The following FHOD3 variants were observed in gnomAD, a reference collection of about 807,000 sequenced individuals.
FHOD3 encodes the protein formin homology 2 domain containing 3.
Under a neutral mutation model 173.0 loss-of-function variants are expected in FHOD3, and 90 were observed. That is an observed-to-expected ratio of 0.52 (90% CI 0.44 to 0.62). The LOEUF is 0.62. Among genes scored for constraint, FHOD3 ranks in the 20% least tolerant of loss-of-function variants. The pLI is 0.00. For synonymous variants in FHOD3, 828 were observed against 823.0 expected, an observed-to-expected ratio of 1.01 and a Z score of -0.10; for missense variants, 1,945 against 2,034.7, an observed-to-expected ratio of 0.96 and a Z score of 0.85.
At chr18:36,320,456 G>T (rs1320411408) in intron 1 of FHOD3, among the ~76,000 whole-genome samples, 2 of 152,300 alleles carry the variant, frequency 1.3e-5, no homozygotes, top group South Asian at 2.1e-4. Context: ...TCCCTGAATA[G>T]ACCAATAACA....
intron 14 of FHOD3, among the ~76,000 whole-genome samples, chr18:36,672,573 C>T (rs192268669): frequency 9.3e-4 from 142 of 152,282 alleles, no homozygotes; most frequent in African/African-American, 2.9e-3. Flanking sequence ...CAAGCCCCGG[C>T]GTGCAGATAC....
intron 3 of FHOD3, among the ~76,000 whole-genome samples, chr18:36,492,154 C>A (rs2054504330): frequency 6.6e-6 from 1 of 152,274 alleles, no homozygotes; most frequent in East Asian, 1.9e-4. Flanking sequence ...AAAATTAAAT[C>A]ATTTATTGAC....
At chr18:36,464,332 A>T (rs977186779) in intron 3 of FHOD3, among the ~76,000 whole-genome samples, 2 of 152,226 alleles carry the variant, frequency 1.3e-5, no homozygotes, top group Non-Finnish European at 2.9e-5. Context: ...GTTCCTAAGG[A>T]CATTTTGCTG....
chr18:36,774,479 G>A lies in FHOD3; in HGVS notation c.4787-4969G>A, dbSNP rs1600667243. Among the ~76,000 whole-genome samples the A allele has an allele frequency of 2.6e-5, 4 of 152,290 alleles. No individual in the cohort carries two copies. In the South Asian group the frequency reaches 8.3e-4, roughly 32 times the overall value. On this transcript the variant is annotated intron_variant, in intron 28 of 28. Coordinates refer to ENST00000590592, the MANE Select transcript of FHOD3 (RefSeq NM_001281740.3). The stretch of plus-strand genomic sequence containing the variant: ...TGCATCTCAGATGACAGTGATTTAA[G>A]TGAGGGGCCCCAAACCTGGACATCT...
chr18:36,354,621 G>T (rs976937659), intron 1 of FHOD3, among the ~76,000 whole-genome samples: 1 of 152,070 alleles, frequency 6.6e-6, no homozygotes, highest in Non-Finnish European at 1.5e-5. Context: ...GGCCAAAATG[G>T]CAAAACCCCA....
chr18:36,362,230 G>A (rs1004276408), intron 2 of FHOD3, among the ~76,000 whole-genome samples: 1 of 152,150 alleles, frequency 6.6e-6, no homozygotes, highest in Admixed American at 6.5e-5. Flanking sequence ...GCAGGGAGTG[G>A]CCTAATGAAC....
At chr18:36,633,410 A>G (rs1171353151) in intron 10 of FHOD3, among the ~76,000 whole-genome samples, 1 of 152,150 alleles carries the variant, frequency 6.6e-6, no homozygotes, top group Non-Finnish European at 1.5e-5. Context: ...GAGTTGGGGG[A>G]TACTCTCCTT....
At chr18:36,540,837 C>T (rs963699424) in intron 5 of FHOD3, among the ~76,000 whole-genome samples, 1 of 152,210 alleles carries the variant, frequency 6.6e-6, no homozygotes, top group African/African-American at 2.4e-5. Context: ...TTCATACTTA[C>T]ATTAGTCTTG....
At chr18:36,608,304 G>C (rs760719722) in intron 8 of FHOD3, among the ~76,000 whole-genome samples, 1 of 152,192 alleles carries the variant, frequency 6.6e-6, no homozygotes, top group African/African-American at 2.4e-5. Flanking sequence ...GTGCTATCCC[G>C]TAGTGGGATA....
At chr18:36,721,718 T>C (rs2040802685) in intron 19 of FHOD3, among the ~76,000 whole-genome samples, 1 of 152,218 alleles carries the variant, frequency 6.6e-6, no homozygotes, top group South Asian at 2.1e-4. Context: ...GTTACCACTG[T>C]AGATATAACC....
At chr18:36,527,499 C>T (rs1245913685) in intron 5 of FHOD3, among the ~76,000 whole-genome samples, 1 of 152,152 alleles carries the variant, frequency 6.6e-6, no homozygotes, top group Admixed American at 6.5e-5. Context: ...TATGACCGGG[C>T]AGCAAGACAC....
intron 16 of FHOD3, among the ~76,000 whole-genome samples, chr18:36,689,889 T>C (rs1012002257): frequency 3.3e-5 from 5 of 152,168 alleles, no homozygotes; most frequent in African/African-American, 4.8e-5. Flanking sequence ...TGAGCCTTGC[T>C]TAGAAGGACT....
intron 1 of FHOD3, among the ~76,000 whole-genome samples, chr18:36,314,774 T>A (rs1406074946): frequency 6.6e-6 from 1 of 152,156 alleles, no homozygotes; most frequent in Non-Finnish European, 1.5e-5. Context: ...ATCTTTCAGC[T>A]CTGTTTCTAT....
chr18:36,698,423 T>C (rs2039403793), intron 17 of FHOD3, among the ~76,000 whole-genome samples: 2 of 152,144 alleles, frequency 1.3e-5, no homozygotes, highest in African/African-American at 4.8e-5. Context: ...GTAGACAAAG[T>C]ATATACCTTA....
chr18:36,362,428 C>T (rs1056011751), intron 2 of FHOD3, among the ~76,000 whole-genome samples: 18 of 152,244 alleles, frequency 1.2e-4, no homozygotes, highest in African/African-American at 4.3e-4. Context: ...TGAGGTGATA[C>T]AGTGGAGGCA....
chr18:36,415,578 G>C (rs10468843), intron 3 of FHOD3, among the ~76,000 whole-genome samples: 33,287 of 152,132 alleles, frequency 0.22, 4,102 homozygotes, highest in East Asian at 0.62. Flanking sequence ...CATTTTGTTT[G>C]AACTGTTTTA....
At chr18:36,439,968 C>T (rs755743256) in intron 3 of FHOD3, among the ~76,000 whole-genome samples, 10 of 152,116 alleles carry the variant, frequency 6.6e-5, no homozygotes, top group Non-Finnish European at 1.3e-4. Context: ...AAATGTGAAT[C>T]GTTTCTAGAA....
intron 15 of FHOD3, among the ~76,000 whole-genome samples, chr18:36,686,148 C>T (rs2038599957): frequency 6.6e-6 from 1 of 152,034 alleles, no homozygotes; most frequent in South Asian, 2.1e-4. Context: ...AAGACATATG[C>T]ATACGTATGT....
intron 9 of FHOD3, among the ~76,000 whole-genome samples, chr18:36,613,034 A>G (rs1407064449): frequency 6.6e-6 from 1 of 152,238 alleles, no homozygotes; most frequent in Non-Finnish European, 1.5e-5. Flanking sequence ...AGGGTAAGAA[A>G]GGATATGAGA....
Sources: allele counts gnomAD v4.1 joint callset (sites outside exome capture counted in the v4.1 genomes callset), GRCh38; gene constraint gnomAD v4.1.1; transcripts MANE v1.5; gene names NCBI Gene and HGNC (gene_info 2026-07-23, HGNC 2026-07-21).